KAZN: variants seen among roughly 807,000 people sequenced by gnomAD.
The protein encoded by KAZN is kazrin, periplakin interacting protein.
KAZN carries 40 observed loss-of-function variants against 87.4 expected under a neutral mutation model. The observed-to-expected ratio is 0.46, with a 90% CI of 0.36 to 0.60. KAZN has a LOEUF of 0.60. Among genes scored for constraint, KAZN ranks in the 20% least tolerant of loss-of-function variants. The pLI, the probability that KAZN is intolerant of heterozygous loss-of-function variation, is 0.00. For synonymous variants in KAZN, 466 were observed against 458.3 expected (o/e 1.02, Z -0.22); for missense variants, 898 against 1,073.9 (o/e 0.84, Z 2.29).
intron 1 of KAZN, among the ~76,000 whole-genome samples, chr1:13,999,879 C>T (rs533024803): frequency 1.3e-5 from 2 of 152,106 alleles, no homozygotes; most frequent in Non-Finnish European, 2.9e-5. Context: ...CCACTGACCC[C>T]ACAGAAATAC....
chr1:14,420,455 G>A (rs1665317653), intron 2 of KAZN, among the ~76,000 whole-genome samples: 1 of 152,196 alleles, frequency 6.6e-6, no homozygotes, highest in Non-Finnish European at 1.5e-5. Flanking sequence ...GAGCCACGGG[G>A]GGAGCTGCCC....
At chr1:14,005,270 G>T (rs1639987267) in intron 1 of KAZN, among the ~76,000 whole-genome samples, 1 of 152,196 alleles carries the variant, frequency 6.6e-6, no homozygotes, top group African/African-American at 2.4e-5. Context: ...GCAAGACCAA[G>T]CTGATGGCCG....
chr1:15,070,251 G>A (rs1303273552), intron 8 of KAZN, among the ~76,000 whole-genome samples: 2 of 152,258 alleles, frequency 1.3e-5, no homozygotes, highest in Non-Finnish European at 2.9e-5. Flanking sequence ...CTCTGACACA[G>A]CTTTGCACTG....
chr1:15,114,946 G>C lies in KAZN; in HGVS notation c.*311G>C, dbSNP rs985099210. On this transcript the variant is annotated 3_prime_UTR_variant, in exon 15 of 15. Coordinates refer to ENST00000376030, the MANE Select transcript of KAZN (RefSeq NM_201628.3). ...GCTCCACCTCAGAGTGACCGTCACT[G>C]TGGAGCAGCCAAGCAGTCCCTGGAG... is the stretch of plus-strand genomic sequence containing the variant. 1 of 220,672 alleles carries C rather than the reference G, an allele frequency of 4.5e-6. No homozygotes were observed. Among genetic ancestry groups the C allele is most frequent in the Non-Finnish European group, 9.0e-6 (1 of 111,610 alleles). The allele number at this position is 220,672 out of a possible 1,614,324, so 13.7% of individuals were successfully genotyped here. A position where few individuals can be genotyped will look rare whatever the true frequency, so the allele number is the denominator to read the frequency against.
chr1:14,801,056 A>T (rs1645996622), intron 1 of KAZN, among the ~76,000 whole-genome samples: 1 of 151,988 alleles, frequency 6.6e-6, no homozygotes, highest in Non-Finnish European at 1.5e-5. Flanking sequence ...CTCAAAAAAA[A>T]AAAAAAGAAA....
intron 2 of KAZN, among the ~76,000 whole-genome samples, chr1:14,498,678 C>T (rs1392614449): frequency 6.6e-6 from 1 of 151,552 alleles, no homozygotes; most frequent in Non-Finnish European, 1.5e-5. Context: ...GGCGACAGAG[C>T]AAGACTCTGT....
intron 1 of KAZN, among the ~76,000 whole-genome samples, chr1:14,065,584 C>T (rs1282539552): frequency 2.0e-5 from 3 of 149,656 alleles, no homozygotes; most frequent in Non-Finnish European, 3.0e-5. Context: ...AAAAAAAAAG[C>T]TCCCAAAGGA....
intron 1 of KAZN, among the ~76,000 whole-genome samples, chr1:14,817,354 A>G (rs1274664252): frequency 6.6e-6 from 1 of 152,212 alleles, no homozygotes; most frequent in Non-Finnish European, 1.5e-5. Flanking sequence ...TCATTCAGTC[A>G]TTCAACAAAT....
At chr1:14,533,406 C>T (rs1672318990) in intron 2 of KAZN, among the ~76,000 whole-genome samples, 1 of 152,160 alleles carries the variant, frequency 6.6e-6, no homozygotes, top group Admixed American at 6.5e-5. Flanking sequence ...GCAGGGTAGT[C>T]TTTTCTCAGC....
chr1:14,315,269 C>T (rs1241256497), intron 2 of KAZN, among the ~76,000 whole-genome samples: 3 of 152,020 alleles, frequency 2.0e-5, no homozygotes, highest in Non-Finnish European at 2.9e-5. Context: ...TTCCCAAAGC[C>T]CTAGCACAGT....
intron 2 of KAZN, among the ~76,000 whole-genome samples, chr1:14,519,299 C>A (rs2148461401): frequency 6.6e-6 from 1 of 152,246 alleles, no homozygotes; most frequent in African/African-American, 2.4e-5. Context: ...AGAAAGCAAC[C>A]CTCTGCTTTG....
intron 1 of KAZN, among the ~76,000 whole-genome samples, chr1:13,961,205 T>C (rs1264115968): frequency 1.3e-5 from 2 of 152,180 alleles, no homozygotes; most frequent in African/African-American, 2.4e-5. Context: ...AGTCTCTGTG[T>C]GTTGAACAAA....
At chr1:14,731,328 G>A (rs1043229400) in intron 1 of KAZN, among the ~76,000 whole-genome samples, 3 of 152,084 alleles carry the variant, frequency 2.0e-5, no homozygotes, top group East Asian at 1.9e-4. Flanking sequence ...CATCATCATC[G>A]TCATTGTCAG....
chr1:15,076,086 A>G (rs1199346130), intron 8 of KAZN, among the ~76,000 whole-genome samples: 1 of 152,164 alleles, frequency 6.6e-6, no homozygotes, highest in African/African-American at 2.4e-5. Flanking sequence ...TGGCCAGGGC[A>G]TGTGGACCAG....
chr1:14,439,941 TTTCAG>T (rs1666604565), intron 2 of KAZN, among the ~76,000 whole-genome samples: 1 of 152,160 alleles, frequency 6.6e-6, no homozygotes, highest in South Asian at 2.1e-4. Flanking sequence ...GCGCTTGCCT[TTTCAG>T]TTCATCCCAA....
intron 1 of KAZN, among the ~76,000 whole-genome samples, chr1:14,945,556 C>G (rs1268906455): frequency 1.3e-5 from 2 of 152,240 alleles, no homozygotes; most frequent in African/African-American, 4.8e-5. Flanking sequence ...TCCCCCCACC[C>G]CGGCTGGCTC....
intron 1 of KAZN, among the ~76,000 whole-genome samples, chr1:14,959,239 CAG>C (rs1663544764): frequency 6.6e-6 from 1 of 152,226 alleles, no homozygotes; most frequent in Admixed American, 6.5e-5. Flanking sequence ...CAGCATCACA[CAG>C]GGCGGTGAGA....
chr1:15,101,887 A>G (rs1162345934), intron 11 of KAZN, 113 bp downstream of exon 11: 1 of 688,726 alleles, frequency 1.5e-6, no homozygotes, highest in Admixed American at 2.2e-5. Flanking sequence ...CTGTCCACCC[A>G]TCCATCCATC....
chr1:14,811,373 G>C (rs543837333), intron 1 of KAZN, among the ~76,000 whole-genome samples: 2 of 152,160 alleles, frequency 1.3e-5, no homozygotes, highest in Non-Finnish European at 2.9e-5. Flanking sequence ...ATCATAAGAG[G>C]GTGGGAATGT....
Sources: gnomAD v4.1 joint callset for allele counts (sites outside exome capture counted in the v4.1 genomes callset) on GRCh38, gnomAD v4.1.1 for gene constraint, MANE v1.5 for transcripts, NCBI Gene and HGNC (gene_info 2026-07-23, HGNC 2026-07-21) for gene names.